Variants in ARGFX observed in about 807,000 individuals in gnomAD.
The protein encoded by ARGFX is arginine-fifty homeobox.
A neutral mutation model predicts 8.0 loss-of-function variants in ARGFX; 10 were observed. That is an observed-to-expected ratio of 1.25 (90% confidence interval 0.77 to 2.12). The LOEUF (loss-of-function observed/expected upper bound fraction) is 2.12, where lower values mean the gene tolerates loss of function less well. Among genes scored for constraint, ARGFX ranks in the 30% most tolerant of loss-of-function variants. The probability of loss-of-function intolerance (pLI) is 0.00; values close to 1 mark genes in which losing one functional copy is unlikely to be tolerated. For missense variants in ARGFX, 282 were observed against 324.3 expected, an observed-to-expected ratio of 0.87 and a Z score of 1.00; for synonymous variants, 116 against 117.8, an observed-to-expected ratio of 0.98 and a Z score of 0.10.
chr3:121,580,900 G>T (rs1160349712), intron 3 of ARGFX, among the ~76,000 whole-genome samples: 5 of 152,008 alleles, frequency 3.3e-5, no homozygotes, highest in Non-Finnish European at 1.5e-5. Context: ...TTCCTTTACT[G>T]TATCATCTAT....
intron 3 of ARGFX, among the ~76,000 whole-genome samples, chr3:121,580,594 G>GTGTGTGTGTGTA (rs1394661822): frequency 6.8e-5 from 5 of 73,392 alleles, no homozygotes; most frequent in Non-Finnish European, 8.2e-5. Context: ...GTGTGTGTGT[G>GTGTGTGTGTGTA]TATATATATA....
chr3:121,582,970 T>C, intron 3 of ARGFX, among the ~76,000 whole-genome samples: 1 of 151,786 alleles, frequency 6.6e-6, no homozygotes, highest in East Asian at 1.9e-4. Context: ...CCTCCCAAAG[T>C]GCTGGGATTA....
chr3:121,575,471 C>T (rs1341002791), intron 2 of ARGFX, among the ~76,000 whole-genome samples: 2 of 152,156 alleles, frequency 1.3e-5, no homozygotes, highest in Non-Finnish European at 2.9e-5. Context: ...GCTATAGTCT[C>T]TCATCCTCTA....
intron 2 of ARGFX, among the ~76,000 whole-genome samples, chr3:121,575,450 G>C (rs2048730629): frequency 6.6e-6 from 1 of 152,162 alleles, no homozygotes; most frequent in Non-Finnish European, 1.5e-5. Flanking sequence ...TGCAGAATAT[G>C]AGCTCTTTTC....
intron 3 of ARGFX, among the ~76,000 whole-genome samples, chr3:121,584,445 A>AT (rs1184003384): frequency 6.6e-6 from 1 of 152,160 alleles, no homozygotes; most frequent in African/African-American, 2.4e-5. Context: ...AATTAAAAAA[A>AT]TTTTTGGCTA....
chr3:121,586,117 G>T lies in ARGFX; in HGVS notation c.465G>T (p.Val155=). ...AGATCCTTCCATCCAAGAAGAATGT[G>T]CCCACCTCCCCCAGAACATCCCCCA... ...RNQILPSKKN[V]PTSPRTSPSP... Residue 155 remains valine (V), a synonymous_variant, in exon 5 of 5, where the codon GTG becomes GTT. Coordinates refer to ENST00000334384, the MANE Select transcript of ARGFX (RefSeq NM_001012659.2). 6.2e-7 allele frequency: 1 copy of T among 1,612,000 alleles called. No individual in the cohort carries two copies. Among genetic ancestry groups the T allele is most frequent in the East Asian group, 2.2e-5 (1 of 44,852 alleles).
intron 1 of ARGFX, among the ~76,000 whole-genome samples, chr3:121,569,066 G>T (rs1198260953): frequency 6.6e-6 from 1 of 152,150 alleles, no homozygotes; most frequent in Non-Finnish European, 1.5e-5. Flanking sequence ...ATAAATGCGT[G>T]ACGTGTTAAC....
intron 4 of ARGFX, among the ~76,000 whole-genome samples, chr3:121,585,737 A>T (rs1245640453): frequency 6.6e-6 from 1 of 152,070 alleles, no homozygotes; most frequent in Non-Finnish European, 1.5e-5. Context: ...TAGATCCTAG[A>T]TCCCTAAACT....
At position 121,570,723 on chromosome 3, in the gene ARGFX, A is replaced by G. The variant is rs769244055; in HGVS notation, c.10A>G (p.Arg4Gly). 1 of 1,607,562 alleles carries G rather than the reference A, an allele frequency of 6.2e-7. No individual in the cohort carries two copies. Among genetic ancestry groups the G allele is most frequent in the South Asian group, 1.1e-5 (1 of 89,590 alleles). The stretch of plus-strand genomic sequence containing the variant: ...TCAGATTTCAGAAACCATGAGGAAC[A>G]GAATGGCCCCAGAGAATCCCCAGCC... MRN[R>G]MAPENPQPDP... The change falls in exon 2 of 5, where the codon AGA (arginine) becomes GGA (glycine). Residue 4 changes from arginine (R) to glycine (G), a missense_variant. Arg to Gly is a moderately radical substitution (Grantham distance 125). Coordinates refer to ENST00000334384, the MANE Select transcript of ARGFX (RefSeq NM_001012659.2).
chr3:121,569,115 G>A (rs1256501665), intron 1 of ARGFX, among the ~76,000 whole-genome samples: 1 of 152,118 alleles, frequency 6.6e-6, no homozygotes, highest in Non-Finnish European at 1.5e-5. Context: ...TGAGACCAAT[G>A]GCATTGTTTT....
At chr3:121,576,739 C>CTT (rs2048740440) in intron 2 of ARGFX, 45 bp from the exon 3 acceptor site, 2 of 269,394 alleles carry the variant, frequency 7.4e-6, no homozygotes, top group South Asian at 2.6e-5. Flanking sequence ...TTCTTTCTTT[C>CTT]TTTCTTTTTC....
In ARGFX at chr3:121,586,171, A is replaced by G. The variant is rs1179528497; in HGVS notation, c.519A>G (p.Ser173=). ...PSPYAFSPVI[S]DFYSSLPSQP... ...CTTATGCTTTTTCTCCTGTGATTTC[A>G]GATTTCTACAGCTCCCTTCCATCTC... Residue 173 remains serine (S), a synonymous_variant, in exon 5 of 5, where the codon TCA becomes TCG. Transcript: ENST00000334384. 1 of 1,613,958 alleles carries G rather than the reference A, an allele frequency of 6.2e-7. No homozygotes were observed.
chr3:121,580,155 G>A (rs982569972), intron 3 of ARGFX, among the ~76,000 whole-genome samples: 1 of 150,736 alleles, frequency 6.6e-6, no homozygotes, highest in Non-Finnish European at 1.5e-5. Flanking sequence ...TTGTAGAGAC[G>A]GGATTTCACC....
chr3:121,574,683 T>C (rs982195483), intron 2 of ARGFX, among the ~76,000 whole-genome samples: 4 of 152,242 alleles, frequency 2.6e-5, no homozygotes, highest in African/African-American at 9.6e-5. Context: ...GCTCACCTCC[T>C]GCTGTGCGGA....
rs554199627 is a variant in ARGFX, at chr3:121,577,811, G to A, written c.220+911G>A. Among the ~76,000 whole-genome samples, 8 of 152,090 alleles carry A rather than the reference G, an allele frequency of 5.3e-5. No homozygotes were observed. The South Asian group carries it at 1.7e-3, about 32-fold the overall frequency. ...TATTCATTTTTGTGTGTGTGGCAAGGTCTCATTCTGTTGCCCAGGCTGGAG... is the reference window on the plus strand; with the variant it reads ...TATTCATTTTTGTGTGTGTGGCAAGATCTCATTCTGTTGCCCAGGCTGGAG... On this transcript the variant is annotated intron_variant, in intron 3 of 4. Transcript: ENST00000334384.
At chr3:121,574,943 CCAA>C (rs2048727780) in intron 2 of ARGFX, among the ~76,000 whole-genome samples, 3 of 152,176 alleles carry the variant, frequency 2.0e-5, no homozygotes, top group African/African-American at 7.2e-5. Flanking sequence ...TGTTTGAAGA[CCAA>C]ATGTATGTAC....
At chr3:121,583,585 G>A (rs779330287) in intron 3 of ARGFX, among the ~76,000 whole-genome samples, 61 of 151,770 alleles carry the variant, frequency 4.0e-4, no homozygotes, top group Middle Eastern at 3.4e-3. Context: ...GTTATTATGC[G>A]GTGACAATCA....
In ARGFX at chr3:121,588,203, C is replaced by T. The variant is rs1363819933; in HGVS notation, c.*1603C>T. 6.6e-6 allele frequency among the ~76,000 whole-genome samples: 1 copy of T among 150,972 alleles called. No homozygotes were observed. Among genetic ancestry groups the T allele is most frequent in the Non-Finnish European group, 1.5e-5 (1 of 67,878 alleles). On this transcript the variant is annotated 3_prime_UTR_variant, in exon 5 of 5. Coordinates refer to ENST00000334384, the MANE Select transcript of ARGFX (RefSeq NM_001012659.2). ...AACATAAGGGCTGGGGGTGGTGGCTCATGCCTGTAATCCCAGCACTTTGGG... is the reference window on the plus strand; with the variant it reads ...AACATAAGGGCTGGGGGTGGTGGCTTATGCCTGTAATCCCAGCACTTTGGG...
chr3:121,571,623 T>C (rs1389506291), intron 2 of ARGFX, among the ~76,000 whole-genome samples: 2 of 151,530 alleles, frequency 1.3e-5, no homozygotes, highest in Non-Finnish European at 2.9e-5. Flanking sequence ...CAGTGCAGTG[T>C]CACAATCTTG....
Sources: gnomAD v4.1 joint callset for allele counts (sites outside exome capture counted in the v4.1 genomes callset) on GRCh38, gnomAD v4.1.1 for gene constraint, MANE v1.5 for transcripts, NCBI Gene and HGNC (gene_info 2026-07-23, HGNC 2026-07-21) for gene names.